The following FRMPD4 variants were observed in gnomAD, a reference collection of about 807,000 sequenced individuals.
The protein encoded by FRMPD4 is FERM and PDZ domain containing 4.
A neutral mutation model predicts 94.1 loss-of-function variants in FRMPD4; 22 were observed. That is an observed-to-expected ratio of 0.23 (90% CI 0.17 to 0.33). FRMPD4 has a LOEUF of 0.33. Ranked by LOEUF, FRMPD4 falls within the 10% of genes least tolerant of loss-of-function variation. The pLI, the probability that FRMPD4 is intolerant of heterozygous loss-of-function variation, is 1.00. For missense variants in FRMPD4, 1,111 were observed against 1,339.9 expected, an observed-to-expected ratio of 0.83 and a Z score of 2.67; for synonymous variants, 631 against 548.6, an observed-to-expected ratio of 1.15 and a Z score of -2.10.
At chrX:12,530,484 A>G (rs1156429503) in intron 2 of FRMPD4, among the ~76,000 whole-genome samples, 2 of 111,685 alleles carry the variant, frequency 1.8e-5, no homozygotes, top group Admixed American at 1.9e-4. Context: ...GGAACTGCAG[A>G]AGCAGGGTGG....
intron 3 of FRMPD4, among the ~76,000 whole-genome samples, chrX:11,887,743 C>A (rs1456246698): frequency 4.5e-5 from 5 of 111,624 alleles, no homozygotes; most frequent in Non-Finnish European, 7.5e-5. Flanking sequence ...TTAAACTAGT[C>A]CTTTGTCTCT....
chrX:12,551,798 G>T (rs911362767), intron 2 of FRMPD4, among the ~76,000 whole-genome samples: 1 of 110,702 alleles, frequency 9.0e-6, no homozygotes, highest in East Asian at 2.8e-4. Context: ...GGAAGCATAG[G>T]GGGTGTCTGT....
intron 1 of FRMPD4, among the ~76,000 whole-genome samples, chrX:12,408,803 C>T (rs959256271): frequency 1.8e-5 from 2 of 112,002 alleles, no homozygotes; most frequent in Non-Finnish European, 3.8e-5. Flanking sequence ...AGGACAAGAA[C>T]AAGGGCAGTT....
chrX:12,107,630 G>T (rs774182993), intron 3 of FRMPD4, among the ~76,000 whole-genome samples: 1 of 111,827 alleles, frequency 8.9e-6, no homozygotes, highest in East Asian at 2.8e-4. Context: ...TCTCTGAGCT[G>T]AAGGAGGAAG....
At chrX:12,287,167 T>C (rs1480322412) in intron 1 of FRMPD4, among the ~76,000 whole-genome samples, 2 of 111,951 alleles carry the variant, frequency 1.8e-5, no homozygotes, top group African/African-American at 6.5e-5. Flanking sequence ...CTTAGGGAGA[T>C]GATTGTGTTG....
At chrX:11,847,938 C>T (rs1230313217) in intron 1 of FRMPD4, among the ~76,000 whole-genome samples, 47 of 99,451 alleles carry the variant, frequency 4.7e-4, no homozygotes, top group Non-Finnish European at 8.8e-4. Flanking sequence ...TGCTAAATGA[C>T]GAGTTAATGG....
At chrX:12,538,443 T>G (rs2058366152) in intron 2 of FRMPD4, among the ~76,000 whole-genome samples, 1 of 111,677 alleles carries the variant, frequency 9.0e-6, no homozygotes, top group African/African-American at 3.3e-5. Flanking sequence ...TCTGCAGACT[T>G]AAATATCCCT....
intron 1 of FRMPD4, among the ~76,000 whole-genome samples, chrX:11,836,875 C>T (rs1390112841): frequency 3.6e-5 from 4 of 111,668 alleles, no homozygotes; most frequent in Non-Finnish European, 7.5e-5. Flanking sequence ...TTTCATTATT[C>T]TTATTAGGTT....
At chrX:12,469,153 C>T (rs2057480946) in intron 1 of FRMPD4, among the ~76,000 whole-genome samples, 2 of 111,909 alleles carry the variant, frequency 1.8e-5, no homozygotes, top group African/African-American at 6.5e-5. Context: ...TATAAAATTT[C>T]GATCATCTCT....
intron 1 of FRMPD4, among the ~76,000 whole-genome samples, chrX:12,477,722 A>G (rs889942755): frequency 7.1e-5 from 8 of 112,935 alleles, no homozygotes; most frequent in African/African-American, 2.6e-4. Context: ...TATTTGTTAC[A>G]TGCTCATTAC....
intron 3 of FRMPD4, among the ~76,000 whole-genome samples, chrX:12,048,480 A>C (rs2054798348): frequency 8.9e-6 from 1 of 111,941 alleles, no homozygotes; most frequent in Non-Finnish European, 1.9e-5. Context: ...CTGTGCAGAA[A>C]GTCTTTAGTT....
At chrX:12,010,973 T>C (rs768519741) in intron 3 of FRMPD4, among the ~76,000 whole-genome samples, 2 of 112,224 alleles carry the variant, frequency 1.8e-5, no homozygotes, top group South Asian at 7.4e-4. Flanking sequence ...TTGGCAGATC[T>C]ATAGGGGTAG....
chrX:12,509,076 C>CA (rs1256721538), intron 2 of FRMPD4, among the ~76,000 whole-genome samples: 3 of 106,161 alleles, frequency 2.8e-5, no homozygotes, highest in Non-Finnish European at 3.9e-5. Context: ...ATCAAAAAAC[C>CA]AAAAAATAGT....
At chrX:12,182,194 A>G in intron 1 of FRMPD4, among the ~76,000 whole-genome samples, 1 of 111,741 alleles carries the variant, frequency 8.9e-6, no homozygotes, top group East Asian at 2.8e-4. Flanking sequence ...GGGTAGTCCA[A>G]TGTCTACTCT....
intron 3 of FRMPD4, among the ~76,000 whole-genome samples, chrX:11,905,027 A>T (rs1395726960): frequency 8.9e-6 from 1 of 112,052 alleles, no homozygotes; most frequent in African/African-American, 3.2e-5. Flanking sequence ...GATGAGTCTA[A>T]ATCAGTTGTC....
At chrX:12,475,080 T>C (rs777901095) in intron 1 of FRMPD4, among the ~76,000 whole-genome samples, 2 of 111,719 alleles carry the variant, frequency 1.8e-5, no homozygotes, top group East Asian at 5.6e-4. Flanking sequence ...ACTGGCAAAC[T>C]GACTCCAGCA....
chrX:12,610,743 GTC>G (rs2059174691), intron 3 of FRMPD4, among the ~76,000 whole-genome samples: 2 of 53,740 alleles, frequency 3.7e-5, no homozygotes, highest in Non-Finnish European at 6.2e-5. Flanking sequence ...GTGAGACCCT[GTC>G]TCAAAAAAAA....
chrX:12,122,005 T>C (rs1231086202), intron 3 of FRMPD4, among the ~76,000 whole-genome samples: 1 of 112,104 alleles, frequency 8.9e-6, no homozygotes, highest in African/African-American at 3.2e-5. Flanking sequence ...TTTTCGTGTA[T>C]TGAATCTCAC....
At chrX:11,972,734 A>G (rs2054346909) in intron 3 of FRMPD4, among the ~76,000 whole-genome samples, 1 of 112,610 alleles carries the variant, frequency 8.9e-6, no homozygotes, top group South Asian at 3.7e-4. Flanking sequence ...ATACATGTAA[A>G]GCACATAATG....
Sources: gnomAD v4.1 joint callset for allele counts (sites outside exome capture counted in the v4.1 genomes callset) on GRCh38, gnomAD v4.1.1 for gene constraint, MANE v1.5 for transcripts, NCBI Gene and HGNC (gene_info 2026-07-23, HGNC 2026-07-21) for gene names.